Variants in TENM3 observed in about 807,000 individuals in gnomAD.
TENM3 encodes teneurin transmembrane protein 3.
In TENM3, 63 loss-of-function variants were observed where a neutral mutation model predicts 255.1. The observed-to-expected ratio is 0.25, with a 90% CI of 0.20 to 0.30. The LOEUF is 0.30. TENM3 is among the 10% of genes least tolerant of loss of function. The pLI is 1.00. For missense variants in TENM3, 2,929 were observed against 3,461.1 expected (o/e 0.85, Z 3.86); for synonymous variants, 1,306 against 1,322.3 (o/e 0.99, Z 0.27).
At chr4:182,534,531 T>C (rs1488013229) in intron 3 of TENM3, among the ~76,000 whole-genome samples, 3 of 152,216 alleles carry the variant, frequency 2.0e-5, no homozygotes, top group African/African-American at 7.2e-5. Context: ...GAGTAATGTG[T>C]GTGTACACAG....
At chr4:182,596,377 G>A (rs1278477148) in intron 3 of TENM3, among the ~76,000 whole-genome samples, 1 of 152,144 alleles carries the variant, frequency 6.6e-6, no homozygotes, top group Non-Finnish European at 1.5e-5. Context: ...TGCCCGTAGG[G>A]AGCTGAGCAG....
chr4:182,448,570 A>G (rs1773132307), intron 3 of TENM3, among the ~76,000 whole-genome samples: 2 of 152,138 alleles, frequency 1.3e-5, no homozygotes, highest in Admixed American at 6.5e-5. Context: ...TGAGCACGGG[A>G]AAGTAGCGCT....
the TENM3 span, among the ~76,000 whole-genome samples, chr4:181,657,131 A>G: frequency 2.0e-5 from 3 of 152,206 alleles, no homozygotes; most frequent in African/African-American, 7.2e-5. Flanking sequence ...TGTGGACAGA[A>G]TGAGAGCAGC....
intron 3 of TENM3, among the ~76,000 whole-genome samples, chr4:182,444,154 C>T (rs974748819): frequency 5.9e-5 from 9 of 152,088 alleles, no homozygotes; most frequent in African/African-American, 2.2e-4. Context: ...TGTTTTCAAA[C>T]CTTTATTTCT....
chr4:181,975,244 T>C, the TENM3 span: 2 of 151,544 alleles, frequency 1.3e-5, no homozygotes, highest in African/African-American at 4.9e-5. Context: ...TTCAAGCTAT[T>C]CTCGTGCCTC....
the TENM3 span, among the ~76,000 whole-genome samples, chr4:181,807,636 A>T: frequency 6.6e-6 from 1 of 152,190 alleles, no homozygotes; most frequent in African/African-American, 2.4e-5. Context: ...TGCAGGTGTG[A>T]GCCACCGCAC....
At chr4:182,761,037 CTAT>C (rs142193423) in intron 22 of TENM3, among the ~76,000 whole-genome samples, 23,370 of 152,124 alleles carry the variant, frequency 0.15, 1,897 homozygotes, top group South Asian at 0.2. Context: ...ACACTGACTC[CTAT>C]TATTTAAACA....
the TENM3 span, among the ~76,000 whole-genome samples, chr4:181,609,678 T>C: frequency 1.3e-5 from 2 of 152,254 alleles, no homozygotes; most frequent in Non-Finnish European, 2.9e-5. Context: ...AAAAGCAAAA[T>C]AGATTTTCTT....
At chr4:181,641,956 G>A in the TENM3 span, among the ~76,000 whole-genome samples, 2 of 150,224 alleles carry the variant, frequency 1.3e-5, no homozygotes, top group African/African-American at 2.5e-5. Flanking sequence ...CTTTATAGTA[G>A]AATGATTTAT....
intron 3 of TENM3, among the ~76,000 whole-genome samples, chr4:182,374,392 C>G (rs1767042320): frequency 6.6e-6 from 1 of 152,150 alleles, no homozygotes; most frequent in South Asian, 2.1e-4. Context: ...TATTCTCTCT[C>G]TTTCATAATG....
chr4:182,028,965 T>C, the TENM3 span, among the ~76,000 whole-genome samples: 18 of 152,334 alleles, frequency 1.2e-4, no homozygotes, highest in Middle Eastern at 3.4e-3. Flanking sequence ...GTCCATTTAG[T>C]CTATAGTGCA....
At chr4:182,611,645 G>A (rs540660268) in intron 4 of TENM3, among the ~76,000 whole-genome samples, 29 of 152,156 alleles carry the variant, frequency 1.9e-4, no homozygotes, top group African/African-American at 6.3e-4. Flanking sequence ...AATTGCTATA[G>A]ATGACATACA....
At chr4:182,710,756 G>T (rs1758691099) in intron 12 of TENM3, among the ~76,000 whole-genome samples, 1 of 152,214 alleles carries the variant, frequency 6.6e-6, no homozygotes, top group Admixed American at 6.5e-5. Context: ...CATTAAAGAT[G>T]TATGAATTTT....
chr4:182,666,330 T>A (rs1754676896), intron 6 of TENM3, among the ~76,000 whole-genome samples: 1 of 152,210 alleles, frequency 6.6e-6, no homozygotes, highest in Non-Finnish European at 1.5e-5. Flanking sequence ...CTGAAAGATG[T>A]TCTACTGTGG....
At chr4:181,680,151 G>A in the TENM3 span, among the ~76,000 whole-genome samples, 18 of 151,940 alleles carry the variant, frequency 1.2e-4, no homozygotes, top group South Asian at 2.1e-4. Context: ...ACCCTTTGCC[G>A]CCTTAAGCTT....
At chr4:182,625,180 G>A (rs1750703986) in intron 4 of TENM3, among the ~76,000 whole-genome samples, 1 of 152,040 alleles carries the variant, frequency 6.6e-6, no homozygotes, top group Non-Finnish European at 1.5e-5. Context: ...TACCAGGAGG[G>A]GTCATCCAAG....
chr4:182,643,344 A>G (rs1299946773), intron 5 of TENM3, among the ~76,000 whole-genome samples: 1 of 152,214 alleles, frequency 6.6e-6, no homozygotes, highest in African/African-American at 2.4e-5. Context: ...GTTTGACTCT[A>G]TGCAATGTAG....
chr4:182,237,803 G>T (rs1756987766), intron 1 of TENM3, among the ~76,000 whole-genome samples: 1 of 152,132 alleles, frequency 6.6e-6, no homozygotes, highest in Non-Finnish European at 1.5e-5. Context: ...GTCAGTACAG[G>T]TTAAGTTTTG....
intron 4 of TENM3, among the ~76,000 whole-genome samples, chr4:182,620,342 G>A (rs1749991493): frequency 6.6e-6 from 1 of 152,112 alleles, no homozygotes; most frequent in Non-Finnish European, 1.5e-5. Flanking sequence ...AAGTCCTTGG[G>A]CTTAAAGACA....
Sources: gnomAD v4.1 joint callset for allele counts (sites outside exome capture counted in the v4.1 genomes callset) on GRCh38, gnomAD v4.1.1 for gene constraint, MANE v1.5 for transcripts, NCBI Gene and HGNC (gene_info 2026-07-23, HGNC 2026-07-21) for gene names.